Variants in LRRC4C observed in about 807,000 individuals in gnomAD.
LRRC4C encodes the protein leucine-rich repeat-containing protein 4C.
Under a neutral mutation model 33.6 loss-of-function variants are expected in LRRC4C, and 5 were observed. The ratio of observed to expected loss-of-function variants is 0.15; its 90% CI spans 0.08 to 0.31. The LOEUF (loss-of-function observed/expected upper bound fraction) is 0.31. LRRC4C is among the 10% of genes least tolerant of loss of function. The probability of loss-of-function intolerance (pLI) is 1.00; values close to 1 mark genes in which losing one functional copy is unlikely to be tolerated. For missense variants in LRRC4C, 560 were observed against 796.7 expected, an observed-to-expected ratio of 0.70 and a Z score of 3.58; for synonymous variants, 329 against 302.0, an observed-to-expected ratio of 1.09 and a Z score of -0.93.
At chr11:41,340,103 C>T (rs368728120) in intron 1 of LRRC4C, among the ~76,000 whole-genome samples, 18 of 152,138 alleles carry the variant, frequency 1.2e-4, no homozygotes, top group African/African-American at 4.1e-4. Context: ...TTTTTTAATT[C>T]TCGTATTAAT....
intron 2 of LRRC4C, among the ~76,000 whole-genome samples, chr11:40,886,418 C>CACACACAT (rs1440513981): frequency 6.6e-6 from 1 of 151,350 alleles, no homozygotes; most frequent in Non-Finnish European, 1.5e-5. Context: ...CACACACACA[C>CACACACAT]ACACACACAC....
intron 6 of LRRC4C, among the ~76,000 whole-genome samples, chr11:40,139,544 C>T (rs1211506398): frequency 6.6e-6 from 1 of 152,076 alleles, no homozygotes; most frequent in African/African-American, 2.4e-5. Flanking sequence ...TTATTTCCTT[C>T]AGGCGAACCC....
intron 1 of LRRC4C, among the ~76,000 whole-genome samples, chr11:41,228,980 C>A (rs547588004): frequency 4.6e-5 from 7 of 152,022 alleles, no homozygotes; most frequent in Non-Finnish European, 1.0e-4. Flanking sequence ...TTCAATGTGT[C>A]CTCTGGACAA....
At chr11:41,085,240 T>C (rs1047116361) in intron 1 of LRRC4C, among the ~76,000 whole-genome samples, 16 of 152,156 alleles carry the variant, frequency 1.1e-4, no homozygotes, top group African/African-American at 3.9e-4. Context: ...CTCTTGAACA[T>C]TGATAAATAT....
intron 1 of LRRC4C, among the ~76,000 whole-genome samples, chr11:41,293,292 GTAAGA>G (rs1237909812): frequency 6.6e-6 from 1 of 151,932 alleles, no homozygotes. Flanking sequence ...TACTATCATA[GTAAGA>G]TAAAAGATAA....
At chr11:41,136,448 C>T (rs1389909694) in intron 1 of LRRC4C, among the ~76,000 whole-genome samples, 1 of 152,088 alleles carries the variant, frequency 6.6e-6, no homozygotes, top group Non-Finnish European at 1.5e-5. Context: ...ATAAAGAATA[C>T]AACAGTTTCC....
chr11:40,267,872 G>A (rs570091497), intron 4 of LRRC4C, among the ~76,000 whole-genome samples: 2 of 152,262 alleles, frequency 1.3e-5, no homozygotes, highest in Admixed American at 6.5e-5. Flanking sequence ...AAGTGTGATA[G>A]ACTCACTGTT....
At chr11:40,904,759 C>T (rs755508925) in intron 2 of LRRC4C, among the ~76,000 whole-genome samples, 18 of 152,124 alleles carry the variant, frequency 1.2e-4, no homozygotes, top group Admixed American at 2.0e-4. Flanking sequence ...CTCTCTCTCT[C>T]GGTCTAGATC....
At chr11:40,805,517 T>C (rs1264831476) in intron 2 of LRRC4C, among the ~76,000 whole-genome samples, 1 of 152,222 alleles carries the variant, frequency 6.6e-6, no homozygotes, top group Non-Finnish European at 1.5e-5. Context: ...TCTGAGACTA[T>C]GTAAATATTC....
At chr11:40,884,735 T>C (rs984507725) in intron 2 of LRRC4C, among the ~76,000 whole-genome samples, 1 of 152,144 alleles carries the variant, frequency 6.6e-6, no homozygotes, top group Non-Finnish European at 1.5e-5. Context: ...TGTGTAAATG[T>C]ATACAATACT....
chr11:40,650,977 AAT>A (rs1332768644), intron 2 of LRRC4C, among the ~76,000 whole-genome samples: 1 of 152,106 alleles, frequency 6.6e-6, no homozygotes, highest in Admixed American at 6.5e-5. Context: ...GTAGCCAACA[AAT>A]ACTTGTAAAA....
At chr11:40,759,959 CAACA>C (rs747625639) in intron 2 of LRRC4C, among the ~76,000 whole-genome samples, 45,585 of 117,550 alleles carry the variant, frequency 0.39, 7,544 homozygotes, top group Middle Eastern at 0.47. Flanking sequence ...CAAACAACAA[CAACA>C]AAAAAAAAAA....
chr11:40,846,992 A>G (rs1369420526), intron 2 of LRRC4C, among the ~76,000 whole-genome samples: 1 of 152,114 alleles, frequency 6.6e-6, no homozygotes, highest in African/African-American at 2.4e-5. Context: ...ATTTTTGCAC[A>G]TTGATTTTTG....
chr11:40,290,152 C>G (rs1944096046), intron 4 of LRRC4C, among the ~76,000 whole-genome samples: 1 of 152,150 alleles, frequency 6.6e-6, no homozygotes, highest in African/African-American at 2.4e-5. Context: ...AGTGAAAAAG[C>G]ATCAAGTACA....
At chr11:41,268,922 A>G (rs1270864355) in intron 1 of LRRC4C, among the ~76,000 whole-genome samples, 2 of 152,134 alleles carry the variant, frequency 1.3e-5, no homozygotes, top group African/African-American at 4.8e-5. Flanking sequence ...CAAAATCTAC[A>G]GACTTACAAA....
intron 1 of LRRC4C, among the ~76,000 whole-genome samples, chr11:41,272,265 GCAGAAGGATC>G (rs1277540687): frequency 6.6e-6 from 1 of 152,118 alleles, no homozygotes; most frequent in Non-Finnish European, 1.5e-5. Context: ...GTGCTGGGAT[GCAGAAGGATC>G]CAGCCAGTTT....
At chr11:40,682,034 A>G (rs1207717797) in intron 2 of LRRC4C, among the ~76,000 whole-genome samples, 1 of 152,132 alleles carries the variant, frequency 6.6e-6, no homozygotes, top group African/African-American at 2.4e-5. Context: ...GCTCTCACAA[A>G]TCTCCACTAA....
At chr11:40,564,025 A>G (rs564127240) in intron 3 of LRRC4C, among the ~76,000 whole-genome samples, 2 of 152,332 alleles carry the variant, frequency 1.3e-5, no homozygotes, top group South Asian at 2.1e-4. Context: ...TACAACCCAA[A>G]GAAGCTGCAG....
At chr11:41,245,660 C>T (rs1016704618) in intron 1 of LRRC4C, among the ~76,000 whole-genome samples, 2 of 152,232 alleles carry the variant, frequency 1.3e-5, no homozygotes, top group African/African-American at 4.8e-5. Flanking sequence ...TTTTCTTCTT[C>T]CATTGCCCAC....
Sources: allele counts gnomAD v4.1 joint callset (sites outside exome capture counted in the v4.1 genomes callset), GRCh38; gene constraint gnomAD v4.1.1; transcripts MANE v1.5; gene names NCBI Gene and HGNC (gene_info 2026-07-23, HGNC 2026-07-21).